PCDHGA8: variants seen among roughly 807,000 people sequenced by gnomAD.
PCDHGA8 encodes the protein protocadherin gamma-A8.
Under a neutral mutation model 59.2 loss-of-function variants are expected in PCDHGA8, and 45 were observed. The ratio of observed to expected loss-of-function variants is 0.76; its 90% confidence interval spans 0.60 to 0.98. The LOEUF is 0.98. PCDHGA8 is among the 50% of genes least tolerant of loss of function. The pLI, the probability that PCDHGA8 is intolerant of heterozygous loss-of-function variation, is 0.00. For synonymous variants in PCDHGA8, 531 were observed against 519.0 expected, an observed-to-expected ratio of 1.02 and a Z score of -0.32; for missense variants, 1,257 against 1,196.2, an observed-to-expected ratio of 1.05 and a Z score of -0.75.
chr5:141,398,910 G>T, intron 1 of PCDHGA8: 1 of 1,613,972 alleles, frequency 6.2e-7, no homozygotes, highest in Non-Finnish European at 8.5e-7. Flanking sequence ...GCACCACTGT[G>T]TTGCAAGTGT....
At chr5:141,501,841 C>T (rs2099811330) in intron 2 of PCDHGA8, among the ~76,000 whole-genome samples, 1 of 152,130 alleles carries the variant, frequency 6.6e-6, no homozygotes, top group African/African-American at 2.4e-5. Flanking sequence ...CTGTTTGGCC[C>T]TCAACCTTCA....
intron 1 of PCDHGA8, chr5:141,422,369 G>A (rs890803753): frequency 6.4e-7 from 1 of 1,566,400 alleles, no homozygotes; most frequent in Non-Finnish European, 8.6e-7. Flanking sequence ...GGAGAAAATG[G>A]TCAAGTCTCC....
intron 1 of PCDHGA8, chr5:141,399,574 G>C (rs1191176960): frequency 6.2e-7 from 1 of 1,614,046 alleles, no homozygotes; most frequent in Middle Eastern, 1.6e-4. Flanking sequence ...GAACGGCCAA[G>C]TCTCCTACTC....
At chr5:141,422,074 C>A (rs886758924) in intron 1 of PCDHGA8, 1 of 1,612,264 alleles carries the variant, frequency 6.2e-7, no homozygotes, top group African/African-American at 1.3e-5. Flanking sequence ...GTATTCATTT[C>A]GGAACATGGA....
intron 1 of PCDHGA8, chr5:141,403,779 A>G: frequency 6.2e-7 from 1 of 1,613,970 alleles, no homozygotes; most frequent in Non-Finnish European, 8.5e-7. Context: ...ATCAACGGAA[A>G]AGTGGCATAC....
In PCDHGA8 at chr5:141,431,248, G is replaced by C. The variant is rs1213088915; in HGVS notation, c.2424+36011G>C. On this transcript the variant is annotated intron_variant, in intron 1 of 3. Coordinates refer to ENST00000398604, the MANE Select transcript of PCDHGA8 (RefSeq NM_032088.2). This position sits in a 1 kb window ranked among gnomAD's most constrained non-coding sequence, Gnocchi z 4.8. ...CCCACGCCTGGGATCCGGATATCGG[G>C]AAGAACTCTCTGCAGAGCTACGAGC... is the stretch of plus-strand genomic sequence containing the variant. 5 of 1,614,022 alleles carry C rather than the reference G, an allele frequency of 3.1e-6. No homozygotes were observed. Among genetic ancestry groups the C allele is most frequent in the Non-Finnish European group, 4.2e-6 (5 of 1,180,056 alleles).
At chr5:141,436,294 G>A (rs1205368824) in intron 1 of PCDHGA8, among the ~76,000 whole-genome samples, 1 of 152,142 alleles carries the variant, frequency 6.6e-6, no homozygotes, top group Non-Finnish European at 1.5e-5. Context: ...AAATCATTGA[G>A]AGTTAGAGCA....
At chr5:141,426,517 A>G (rs893782433) in intron 1 of PCDHGA8, 5 of 343,020 alleles carry the variant, frequency 1.5e-5, no homozygotes, top group African/African-American at 2.1e-5. Context: ...CTTTACCGTG[A>G]ACACGGAGAA....
chr5:141,414,209 A>G (rs2095719803), intron 1 of PCDHGA8: 3 of 1,612,712 alleles, frequency 1.9e-6, no homozygotes, highest in South Asian at 2.2e-5. Flanking sequence ...GAAGATGTAA[A>G]TGACAACAGT....
At position 141,490,908 on chromosome 5, in the gene PCDHGA8, C is replaced by A; in HGVS notation, c.2425-3899C>A. On this transcript the variant is annotated intron_variant, in intron 1 of 3. Coordinates refer to ENST00000398604, the MANE Select transcript of PCDHGA8 (RefSeq NM_032088.2). The surrounding 1 kb of genome is among the most constrained non-coding windows in gnomAD (Gnocchi z 5.4). The stretch of plus-strand genomic sequence containing the variant: ...CATCTCTGCATGTGTTTGTCCTAGA[C>A]GAGAATGATAATGCCCCAGCTGTGC... The A allele has an allele frequency of 6.2e-7, 1 of 1,613,710 alleles. No homozygotes were observed. Among genetic ancestry groups the A allele is most frequent in the Non-Finnish European group, 8.5e-7 (1 of 1,179,754 alleles).
intron 1 of PCDHGA8, among the ~76,000 whole-genome samples, chr5:141,474,142 T>G (rs2099344082): frequency 6.6e-6 from 1 of 152,212 alleles, no homozygotes; most frequent in African/African-American, 2.4e-5. Flanking sequence ...ACAGGCCTTA[T>G]TATCAAGAAA....
rs1430260899 is a variant in PCDHGA8, at chr5:141,415,763, T to G, written c.2424+20526T>G. On this transcript the variant is annotated intron_variant, in intron 1 of 3. Transcript: ENST00000398604. ...AGGTTTTTTTTTTTTTTTTTTTTTT[T>G]TTTTTTTTTACTTTCTGGTAAAATT... is the stretch of plus-strand genomic sequence containing the variant. The G allele has an allele frequency of 1.1e-5, 15 of 1,398,354 alleles. No homozygotes were observed. The African/African-American group carries it at 2.1e-4, about 19-fold the overall frequency. 86.6% of individuals were successfully genotyped at this position (1,398,354 alleles called of 1,614,324 possible). A position where few individuals can be genotyped will look rare whatever the true frequency, so the allele number is the denominator to read the frequency against.
chr5:141,495,430 C>T (rs1189953474), intron 2 of PCDHGA8, among the ~76,000 whole-genome samples: 3 of 152,220 alleles, frequency 2.0e-5, no homozygotes, highest in Admixed American at 2.0e-4. Context: ...TCCCACTGTC[C>T]TCTGCCCCTA....
Position 141,466,657 on chromosome 5 carries a change from C to T in PCDHGA8, c.2425-28150C>T, listed in dbSNP as rs143657719. Among the ~76,000 whole-genome samples the T allele has an allele frequency of 1.4e-3, 211 of 152,280 alleles. 1 individual carries two copies. The highest frequency in any genetic ancestry group is 4.7e-3 in the African/African-American group (197 of 41,542). On this transcript the variant is annotated intron_variant, in intron 1 of 3. Transcript: ENST00000398604. ...TCTCCATAAACTTTTCACAAAACAT[C>T]AGTGATTTCACCGTTCTTCCACTCA...
chr5:141,482,981 A>C (rs1377809325), intron 1 of PCDHGA8, among the ~76,000 whole-genome samples: 1 of 150,250 alleles, frequency 6.7e-6, no homozygotes, highest in Non-Finnish European at 1.5e-5. Context: ...GCTACTTGAG[A>C]GGTCGAGGCA....
At chr5:141,450,995 T>G (rs983544118) in intron 1 of PCDHGA8, among the ~76,000 whole-genome samples, 3 of 151,510 alleles carry the variant, frequency 2.0e-5, no homozygotes, top group Non-Finnish European at 4.4e-5. Context: ...CGGCTAATTT[T>G]TTTGTATTTT....
chr5:141,424,391 C>T (rs2096818270), intron 1 of PCDHGA8: 1 of 152,106 alleles, frequency 6.6e-6, no homozygotes, highest in South Asian at 2.1e-4. Flanking sequence ...GATGTCTTTT[C>T]CATTACTATG....
chr5:141,423,874 A>G (rs1264795133), intron 1 of PCDHGA8: 2 of 1,283,268 alleles, frequency 1.6e-6, no homozygotes, highest in East Asian at 3.1e-5. Context: ...GTCATTTTTC[A>G]ATCTTGGCAT....
At chr5:141,427,733 C>T (rs2097062553) in intron 1 of PCDHGA8, 2 of 1,200,562 alleles carry the variant, frequency 1.7e-6, no homozygotes, top group East Asian at 4.7e-5. Context: ...GGCTGAATGG[C>T]CAAGTCTCCT....
Sources: allele counts gnomAD v4.1 joint callset (sites outside exome capture counted in the v4.1 genomes callset), GRCh38; gene constraint gnomAD v4.1.1; non-coding constraint Gnocchi (gnomAD v3.1); transcripts MANE v1.5; gene names NCBI Gene and HGNC (gene_info 2026-07-23, HGNC 2026-07-21).